The following TACR1 variants were observed in gnomAD, a reference collection of about 807,000 sequenced individuals.
TACR1 encodes substance-P receptor.
TACR1 carries 25 observed loss-of-function variants against 35.8 expected under a neutral mutation model. That is an observed-to-expected ratio of 0.70 (90% confidence interval 0.51 to 0.98). TACR1 has a LOEUF of 0.98. Ranked by LOEUF, TACR1 falls within the 50% of genes least tolerant of loss-of-function variation. TACR1 has a pLI of 0.00. For synonymous variants in TACR1, 195 were observed against 206.7 expected, an observed-to-expected ratio of 0.94 and a Z score of 0.48; for missense variants, 478 against 522.9, an observed-to-expected ratio of 0.91 and a Z score of 0.84.
rs144106614 is a variant in TACR1, at chr2:75,096,493, G to T, written c.584+24081C>A. 2.4e-3 allele frequency among the ~76,000 whole-genome samples: 358 copies of T among 152,278 alleles called. 1 individual carries two copies. Among genetic ancestry groups the T allele is most frequent in the African/African-American group, 8.1e-3 (338 of 41,562 alleles). On this transcript the variant is annotated intron_variant, in intron 2 of 4. Transcript: ENST00000305249. ...TTGTGTGTATTGGGGTAAATTTCTTGATCACTTTGTGTTGTATTCTTAATA... is the reference window on the plus strand; with the variant it reads ...TTGTGTGTATTGGGGTAAATTTCTTTATCACTTTGTGTTGTATTCTTAATA...
intron 2 of TACR1, among the ~76,000 whole-genome samples, chr2:75,117,372 A>G (rs1673887396): frequency 6.6e-6 from 1 of 152,232 alleles, no homozygotes; most frequent in African/African-American, 2.4e-5. Flanking sequence ...AAAACATTTT[A>G]TGTAATTAGC....
chr2:75,131,258 T>C (rs1177616669), intron 1 of TACR1, among the ~76,000 whole-genome samples: 1 of 152,040 alleles, frequency 6.6e-6, no homozygotes, highest in Admixed American at 6.6e-5. Context: ...TTGGCTAATT[T>C]TTTGTATTTT....
At chr2:75,162,753 C>G (rs1675042620) in intron 1 of TACR1, among the ~76,000 whole-genome samples, 1 of 152,118 alleles carries the variant, frequency 6.6e-6, no homozygotes, top group African/African-American at 2.4e-5. Flanking sequence ...TGCTTAAAAT[C>G]TTTTTGCACA....
At chr2:75,112,228 C>T (rs1419209927) in intron 2 of TACR1, among the ~76,000 whole-genome samples, 1 of 151,586 alleles carries the variant, frequency 6.6e-6, no homozygotes, top group Admixed American at 6.6e-5. Flanking sequence ...TGATTCTACC[C>T]CTAGTACTGA....
chr2:75,099,982 TAG>T (rs1346071872), intron 2 of TACR1, among the ~76,000 whole-genome samples: 12 of 152,202 alleles, frequency 7.9e-5, no homozygotes, highest in African/African-American at 2.9e-4. Context: ...CCATTATTGT[TAG>T]AATAAAGCAT....
chr2:75,065,149 AC>A (rs767807638), intron 2 of TACR1, among the ~76,000 whole-genome samples: 23 of 152,212 alleles, frequency 1.5e-4, no homozygotes, highest in Non-Finnish European at 2.5e-4. Context: ...TGCAGCCGGC[AC>A]CTGGACCAAC....
chr2:75,106,763 A>G lies in TACR1; in HGVS notation c.584+13811T>C, dbSNP rs550751700. 2.6e-5 allele frequency among the ~76,000 whole-genome samples: 4 copies of G among 152,108 alleles called. No individual in the cohort carries two copies. The South Asian group carries it at 6.2e-4, about 24-fold the overall frequency. On this transcript the variant is annotated intron_variant, in intron 2 of 4. Coordinates refer to ENST00000305249, the MANE Select transcript of TACR1 (RefSeq NM_001058.4). ...AAAAAACTTTAGGATAACTATTTATATAACGAAATAAAACATATGTATCTT... is the reference window on the plus strand; with the variant it reads ...AAAAAACTTTAGGATAACTATTTATGTAACGAAATAAAACATATGTATCTT...
intron 1 of TACR1, among the ~76,000 whole-genome samples, chr2:75,172,007 G>C (rs1033494042): frequency 8.5e-5 from 13 of 152,160 alleles, no homozygotes; most frequent in African/African-American, 2.4e-5. Context: ...GAGGGACCAT[G>C]GGTGGAATTC....
intron 1 of TACR1, among the ~76,000 whole-genome samples, chr2:75,162,883 G>A (rs985334654): frequency 6.6e-6 from 1 of 152,166 alleles, no homozygotes; most frequent in Non-Finnish European, 1.5e-5. Context: ...TGAGTATGAA[G>A]AACTATGCAT....
intron 2 of TACR1, among the ~76,000 whole-genome samples, chr2:75,088,407 A>T (rs1398192154): frequency 6.6e-6 from 1 of 152,148 alleles, no homozygotes; most frequent in Non-Finnish European, 1.5e-5. Context: ...GAACTTTTCT[A>T]TCAAAGTGCT....
intron 2 of TACR1, among the ~76,000 whole-genome samples, chr2:75,056,367 G>A (rs1301430840): frequency 1.3e-5 from 2 of 152,284 alleles, no homozygotes; most frequent in African/African-American, 4.8e-5. Flanking sequence ...TTACAGGGTA[G>A]GACACTATTT....
chr2:75,119,861 G>A (rs575447148), intron 2 of TACR1, among the ~76,000 whole-genome samples: 2 of 152,264 alleles, frequency 1.3e-5, no homozygotes, highest in African/African-American at 4.8e-5. Context: ...TACCTTATTC[G>A]GGAGAAGAAA....
chr2:75,071,312 G>A (rs1202221857), intron 2 of TACR1, among the ~76,000 whole-genome samples: 1 of 152,226 alleles, frequency 6.6e-6, no homozygotes, highest in Non-Finnish European at 1.5e-5. Flanking sequence ...TGCCAATGCT[G>A]TGCCTTCACT....
chr2:75,086,398 G>A (rs1165289895), intron 2 of TACR1, among the ~76,000 whole-genome samples: 2 of 152,186 alleles, frequency 1.3e-5, no homozygotes, highest in Admixed American at 6.5e-5. Flanking sequence ...CAACTGTCTT[G>A]TAAGATTTAT....
At chr2:75,095,199 G>C (rs1673398465) in intron 2 of TACR1, among the ~76,000 whole-genome samples, 1 of 152,170 alleles carries the variant, frequency 6.6e-6, no homozygotes, top group South Asian at 2.1e-4. Flanking sequence ...GGCTGAGGAA[G>C]TGGACATGTG....
intron 1 of TACR1, among the ~76,000 whole-genome samples, chr2:75,177,278 T>C (rs1675445752): frequency 6.6e-6 from 1 of 152,176 alleles, no homozygotes; most frequent in African/African-American, 2.4e-5. Context: ...CCCTGGCTCA[T>C]TGTCTTCATC....
At chr2:75,055,594 A>C (rs1336237798) in intron 2 of TACR1, among the ~76,000 whole-genome samples, 1 of 152,264 alleles carries the variant, frequency 6.6e-6, no homozygotes, top group Non-Finnish European at 1.5e-5. Context: ...CTGAAAGAAC[A>C]GCCCTGCCTC....
intron 1 of TACR1, among the ~76,000 whole-genome samples, chr2:75,173,270 C>T (rs1032437289): frequency 2.0e-5 from 3 of 152,142 alleles, no homozygotes; most frequent in African/African-American, 7.2e-5. Context: ...GTACCCAATG[C>T]AGTTGTAGGT....
chr2:75,127,323 C>T (rs1259305445), intron 1 of TACR1, among the ~76,000 whole-genome samples: 1 of 152,142 alleles, frequency 6.6e-6, no homozygotes, highest in Non-Finnish European at 1.5e-5. Flanking sequence ...CCTTTAGCAG[C>T]CTGCAGAGAT....
Sources: gnomAD v4.1 joint callset for allele counts (sites outside exome capture counted in the v4.1 genomes callset) on GRCh38, gnomAD v4.1.1 for gene constraint, MANE v1.5 for transcripts, NCBI Gene and HGNC (gene_info 2026-07-23, HGNC 2026-07-21) for gene names.